Variants in PCDHGA10 observed in about 807,000 individuals in gnomAD.
PCDHGA10 encodes the protein protocadherin gamma-A10.
Under a neutral mutation model 59.5 loss-of-function variants are expected in PCDHGA10, and 42 were observed. That is an observed-to-expected ratio of 0.71 (90% CI 0.55 to 0.91). PCDHGA10 has a LOEUF of 0.91. PCDHGA10 is among the 40% of genes least tolerant of loss of function. The pLI is 0.00. For missense variants in PCDHGA10, 1,111 were observed against 1,198.2 expected (o/e 0.93, Z 1.07); for synonymous variants, 511 against 517.2 (o/e 0.99, Z 0.16).
chr5:141,438,576 A>C (rs1016175176), intron 1 of PCDHGA10, among the ~76,000 whole-genome samples: 4 of 55,572 alleles, frequency 7.2e-5, no homozygotes, highest in Non-Finnish European at 1.2e-4. Context: ...TCTGATATAC[A>C]TACATACATA....
At chr5:141,467,495 C>T (rs1161557245) in intron 1 of PCDHGA10, among the ~76,000 whole-genome samples, 1 of 152,140 alleles carries the variant, frequency 6.6e-6, no homozygotes, top group Non-Finnish European at 1.5e-5. Context: ...ATTTAGATCC[C>T]TGATCTAATT....
At chr5:141,458,081 GTAAGT>G (rs2098936973) in intron 1 of PCDHGA10, among the ~76,000 whole-genome samples, 1 of 152,186 alleles carries the variant, frequency 6.6e-6, no homozygotes, top group Non-Finnish European at 1.5e-5. Context: ...CTATATTGCC[GTAAGT>G]TAAGAGTACT....
Position 141,414,909 on chromosome 5 carries a change from C to G in PCDHGA10, c.1734C>G (p.Gly578=), listed in dbSNP as rs1230113440. 2.5e-6 allele frequency: 4 copies of G among 1,614,220 alleles called. No individual in the cohort carries two copies. Among genetic ancestry groups the G allele is most frequent in the Non-Finnish European group, 3.4e-6 (4 of 1,180,060 alleles). ...CCCTCCCCACAGACGGTTCCACAGG[C>G]GTGGAGCTGGCGCCCCGCTCCGCAG... ...YPALPTDGST[G]VELAPRSAEP... is the part of the protein sequence containing the mutation. The change falls in exon 1 of 4, where the codon GGC becomes GGG. Residue 578 remains glycine, a synonymous_variant. Transcript: ENST00000398610.
Position 141,486,319 on chromosome 5 carries a change from C to T in PCDHGA10, c.2437-8488C>T, listed in dbSNP as rs148184642. The T allele has an allele frequency of 1.7e-4, 268 of 1,614,058 alleles. No individual in the cohort carries two copies. The African/African-American group carries it at 1.7e-3, about 10-fold the overall frequency. Reference sequence around the variant, plus strand: ...TGCAGGATCCAGACTCAGGGTCAAACGGAGATGTGAGCCTCCGCATTCCTG... The same window carrying T: ...TGCAGGATCCAGACTCAGGGTCAAATGGAGATGTGAGCCTCCGCATTCCTG... On this transcript the variant is annotated intron_variant, in intron 1 of 3. Transcript: ENST00000398610. The surrounding 1 kb of genome is among the most constrained non-coding windows in gnomAD (Gnocchi z 5.0).
In PCDHGA10 at chr5:141,477,406, A is replaced by G. The variant is rs1004061582; in HGVS notation, c.2437-17401A>G. The G allele has an allele frequency of 6.2e-7, 1 of 1,614,154 alleles. No individual in the cohort carries two copies. Among genetic ancestry groups the G allele is most frequent in the Non-Finnish European group, 8.5e-7 (1 of 1,180,040 alleles). The stretch of plus-strand genomic sequence containing the variant: ...AATACAACCTCAGCATCACCGCCCG[A>G]GACGCCGGAACCCCTTCCCTCTCAG... On this transcript the variant is annotated intron_variant, in intron 1 of 3. Transcript: ENST00000398610. The surrounding 1 kb of genome is among the most constrained non-coding windows in gnomAD (Gnocchi z 4.9).
In PCDHGA10 at chr5:141,431,770, T is replaced by G. The variant is rs748816389; in HGVS notation, c.2436+16159T>G. The G allele has an allele frequency of 3.7e-6, 6 of 1,614,204 alleles. No homozygotes were observed. In the South Asian group the frequency reaches 6.6e-5, roughly 18 times the overall value. ...CGCGAGCCAAAGTCCTGATCACTGT[T>G]CTGGACGTGAACGACAATGCCCCAG... On this transcript the variant is annotated intron_variant, in intron 1 of 3. Coordinates refer to ENST00000398610, the MANE Select transcript of PCDHGA10 (RefSeq NM_018913.3). The surrounding 1 kb of genome is among the most constrained non-coding windows in gnomAD (Gnocchi z 4.8).
intron 1 of PCDHGA10, chr5:141,430,452 A>G (rs566189732): frequency 2.0e-3 from 408 of 202,442 alleles, no homozygotes; most frequent in South Asian, 3.8e-3. Context: ...CCTTTTGAAG[A>G]ACAGTAGGTG....
rs749347013 is a variant in PCDHGA10, at chr5:141,476,739, C to G, written c.2437-18068C>G. 6.2e-7 allele frequency: 1 copy of G among 1,614,068 alleles called. No individual in the cohort carries two copies. Among genetic ancestry groups the G allele is most frequent in the South Asian group, 1.1e-5 (1 of 91,088 alleles). On this transcript the variant is annotated intron_variant, in intron 1 of 3. Transcript: ENST00000398610. The surrounding 1 kb of genome is among the most constrained non-coding windows in gnomAD (Gnocchi z 7.6). Reference sequence around the variant, plus strand: ...CGCGCCCTGGACCGAGAACGGGAGCCTAGTCTCCAGTTAGTGCTGACGGCG... The same window carrying G: ...CGCGCCCTGGACCGAGAACGGGAGCGTAGTCTCCAGTTAGTGCTGACGGCG...
At chr5:141,442,309 G>C (rs1483682583) in intron 1 of PCDHGA10, 1 of 152,418 alleles carries the variant, frequency 6.6e-6, no homozygotes, top group Non-Finnish European at 1.5e-5. Flanking sequence ...TCTTTCCCAC[G>C]GATGTCTATC....
chr5:141,415,448 C>T lies in PCDHGA10; in HGVS notation c.2273C>T (p.Ser758Phe), dbSNP rs2095870056. Residue 758 changes from serine to phenylalanine, a missense_variant, in exon 1 of 4, where the codon TCC becomes TTC. Coordinates refer to ENST00000398610, the MANE Select transcript of PCDHGA10 (RefSeq NM_018913.3). The stretch of plus-strand genomic sequence containing the variant: ...GTTCGGGCTTTCCTGCAGACCTATT[C>T]CCACGAGGTCTCTCTCACCGCGGAC... ...DGVRAFLQTY[S>F]HEVSLTADSR... The T allele has an allele frequency of 6.2e-7, 1 of 1,614,052 alleles. No homozygotes were observed. Among genetic ancestry groups the T allele is most frequent in the African/African-American group, 1.3e-5 (1 of 74,926 alleles).
At chr5:141,480,695 C>T (rs2099523656) in intron 1 of PCDHGA10, among the ~76,000 whole-genome samples, 2 of 152,146 alleles carry the variant, frequency 1.3e-5, no homozygotes, top group African/African-American at 4.8e-5. Context: ...GAAACCCAGG[C>T]CACACCCCGA....
chr5:141,431,114 G>T lies in PCDHGA10; in HGVS notation c.2436+15503G>T. On this transcript the variant is annotated intron_variant, in intron 1 of 3. Coordinates refer to ENST00000398610, the MANE Select transcript of PCDHGA10 (RefSeq NM_018913.3). This position sits in a 1 kb window ranked among gnomAD's most constrained non-coding sequence, Gnocchi z 4.8. The stretch of plus-strand genomic sequence containing the variant: ...GGAGGATAAAGTGAAAATATATGGA[G>T]TAGAAGTAGAAGTAAGGGACATTAA... 6.2e-7 allele frequency: 1 copy of T among 1,614,158 alleles called. No individual in the cohort carries two copies.
At chr5:141,429,408 T>A (rs2097213256) in intron 1 of PCDHGA10, among the ~76,000 whole-genome samples, 1 of 151,838 alleles carries the variant, frequency 6.6e-6, no homozygotes, top group Non-Finnish European at 1.5e-5. Flanking sequence ...GAGATTAAGG[T>A]CTCATTATGT....
chr5:141,477,572 G>T lies in PCDHGA10; in HGVS notation c.2437-17235G>T, dbSNP rs375416133. The T allele has an allele frequency of 6.2e-7, 1 of 1,614,112 alleles. No homozygotes were observed. Among genetic ancestry groups the T allele is most frequent in the South Asian group, 1.1e-5 (1 of 91,072 alleles). ...AAACCTAAGTGTCTGGGACCCCGAC[G>T]CCCCGCAGAATGCTCGGCTTTCTTT... On this transcript the variant is annotated intron_variant, in intron 1 of 3. Transcript: ENST00000398610. The surrounding 1 kb of genome is among the most constrained non-coding windows in gnomAD (Gnocchi z 4.9).
Position 141,491,900 on chromosome 5 carries a change from G to C in PCDHGA10, c.2437-2907G>C. ...TAAGGGATGGGGCTCCGAGCACCGG[G>C]GGTGGTGGCGACTGTGGGCGAGGGG... On this transcript the variant is annotated intron_variant, in intron 1 of 3. Transcript: ENST00000398610. This position sits in a 1 kb window ranked among gnomAD's most constrained non-coding sequence, Gnocchi z 6.9. 1 of 1,429,936 alleles carries C rather than the reference G, an allele frequency of 7.0e-7. No homozygotes were observed. Among genetic ancestry groups the C allele is most frequent in the South Asian group, 1.5e-5 (1 of 67,072 alleles). 88.6% of individuals were successfully genotyped at this position (1,429,936 alleles called of 1,614,324 possible). A position where few individuals can be genotyped will look rare whatever the true frequency, so the allele number is the denominator to read the frequency against.
chr5:141,415,907 T>C, intron 1 of PCDHGA10: 1 of 779,592 alleles, frequency 1.3e-6, no homozygotes. Context: ...CAGACTTCCA[T>C]ACAGAAGTGC....
intron 1 of PCDHGA10, chr5:141,478,104 C>T (rs1440105341): frequency 6.2e-7 from 1 of 1,614,118 alleles, no homozygotes; most frequent in South Asian, 1.1e-5. Flanking sequence ...GCTACCCTCA[C>T]TGTGTCAGTA....
chr5:141,457,172 T>C (rs1425263344), intron 1 of PCDHGA10, among the ~76,000 whole-genome samples: 1 of 152,212 alleles, frequency 6.6e-6, no homozygotes, highest in East Asian at 1.9e-4. Context: ...ATAACCCTAT[T>C]GCAAATAGTA....
chr5:141,463,653 G>A (rs1378583183), intron 1 of PCDHGA10, among the ~76,000 whole-genome samples: 2 of 151,764 alleles, frequency 1.3e-5, no homozygotes, highest in Admixed American at 6.6e-5. Context: ...GGGTTTCACC[G>A]TGTTAGCCAG....
Sources: gnomAD v4.1 joint callset for allele counts (sites outside exome capture counted in the v4.1 genomes callset) on GRCh38, gnomAD v4.1.1 for gene constraint, Gnocchi (gnomAD v3.1) non-coding constraint, MANE v1.5 for transcripts, NCBI Gene and HGNC (gene_info 2026-07-23, HGNC 2026-07-21) for gene names.